Variants in FOCAD observed in about 807,000 individuals in gnomAD.
FOCAD encodes KIAA1797.
Under a neutral mutation model 225.6 loss-of-function variants are expected in FOCAD, and 198 were observed. The ratio of observed to expected loss-of-function variants is 0.88; its 90% CI spans 0.78 to 0.99. The LOEUF is 0.99. FOCAD is among the 50% of genes least tolerant of loss of function. The pLI, the probability that FOCAD is intolerant of heterozygous loss-of-function variation, is 0.00. For synonymous variants in FOCAD, 897 were observed against 755.0 expected, an observed-to-expected ratio of 1.19 and a Z score of -3.08; for missense variants, 2,713 against 2,123.6, an observed-to-expected ratio of 1.28 and a Z score of -5.46.
chr9:20,885,867 A>G (rs1831063108), intron 21 of FOCAD, among the ~76,000 whole-genome samples: 1 of 152,202 alleles, frequency 6.6e-6, no homozygotes, highest in Non-Finnish European at 1.5e-5. Flanking sequence ...GTATGAATGA[A>G]TAACAAAACA....
At chr9:20,735,152 A>G (rs1303081150) in intron 4 of FOCAD, among the ~76,000 whole-genome samples, 1 of 152,074 alleles carries the variant, frequency 6.6e-6, no homozygotes, top group African/African-American at 2.4e-5. Context: ...TCAGTTTGCT[A>G]TTTTATGATC....
At chr9:20,758,302 T>A in intron 6 of FOCAD, 111 bp downstream of exon 6, 1 of 646,528 alleles carries the variant, frequency 1.5e-6, no homozygotes, top group Non-Finnish European at 2.5e-6. Flanking sequence ...TGCTTTGATC[T>A]ATAATGTTTT....
At chr9:20,966,737 T>C (rs1447793796) in intron 35 of FOCAD, among the ~76,000 whole-genome samples, 1 of 152,120 alleles carries the variant, frequency 6.6e-6, no homozygotes, top group African/African-American at 2.4e-5. Context: ...CATGTGAGTA[T>C]CTAGTTGTCT....
chr9:20,920,219 C>T (rs1307155848), intron 24 of FOCAD, among the ~76,000 whole-genome samples: 6 of 149,868 alleles, frequency 4.0e-5, no homozygotes, highest in South Asian at 4.2e-4. Flanking sequence ...AAAATGCTCA[C>T]CATCACTGGC....
At chr9:20,822,707 T>A (rs1824455833) in intron 14 of FOCAD, among the ~76,000 whole-genome samples, 1 of 152,004 alleles carries the variant, frequency 6.6e-6, no homozygotes, top group Non-Finnish European at 1.5e-5. Flanking sequence ...AGCCTTGAGT[T>A]TTTCTCAATT....
chr9:20,850,007 AT>A (rs1827492647), intron 15 of FOCAD, among the ~76,000 whole-genome samples: 1 of 151,770 alleles, frequency 6.6e-6, no homozygotes, highest in African/African-American at 2.4e-5. Context: ...ACCATTTCTG[AT>A]TTTTTAAACC....
chr9:20,957,033 G>A (rs1838210299), intron 35 of FOCAD, among the ~76,000 whole-genome samples: 1 of 152,030 alleles, frequency 6.6e-6, no homozygotes, highest in Non-Finnish European at 1.5e-5. Flanking sequence ...AACTTTCCCT[G>A]TTTTCATATA....
intron 4 of FOCAD, among the ~76,000 whole-genome samples, chr9:20,739,385 C>G (rs867042604): frequency 3.3e-5 from 5 of 152,140 alleles, no homozygotes; most frequent in Admixed American, 2.0e-4. Flanking sequence ...AGGCGGGTCA[C>G]CTAAGGTCAG....
At chr9:20,912,430 G>A (rs755310768) in intron 22 of FOCAD, among the ~76,000 whole-genome samples, 6 of 152,104 alleles carry the variant, frequency 3.9e-5, no homozygotes, top group Non-Finnish European at 7.4e-5. Flanking sequence ...ATATCTTACC[G>A]GAATCTTAAG....
chr9:20,936,384 G>A (rs554736814), intron 28 of FOCAD, among the ~76,000 whole-genome samples: 1 of 152,310 alleles, frequency 6.6e-6, no homozygotes, highest in South Asian at 2.1e-4. Flanking sequence ...CATGTGTAAA[G>A]GGTTTCATCA....
Position 20,990,294 on chromosome 9 carries a change from C to A in FOCAD, c.5176C>A (p.Leu1726Met). Residue 1726 changes from leucine to methionine, a missense_variant, in exon 42 of 44, where the codon CTG becomes ATG. Leu to Met is a conservative substitution (Grantham distance 15). Transcript: ENST00000338382. ...CAGGAGTCCAATGCACAGGGTCACT[C>A]TGCAGGAGGTTCTCACTCTCCTTCC... ...LGRSPMHRVT[L>M]QEVLTLLPNS... 1 of 1,614,094 alleles carries A rather than the reference C, an allele frequency of 6.2e-7. No homozygotes were observed. The highest frequency in any genetic ancestry group is 1.1e-5 in the South Asian group (1 of 91,080).
chr9:20,903,101 C>T (rs776270056), intron 21 of FOCAD, among the ~76,000 whole-genome samples: 1 of 151,878 alleles, frequency 6.6e-6, no homozygotes, highest in Non-Finnish European at 1.5e-5. Flanking sequence ...GAAGGTTCTA[C>T]CACCCTCAAA....
chr9:20,938,012 A>C (rs1224496231), intron 28 of FOCAD, among the ~76,000 whole-genome samples: 1 of 151,986 alleles, frequency 6.6e-6, no homozygotes, highest in African/African-American at 2.4e-5. Flanking sequence ...GAGAAATGCA[A>C]ATCAAAACCA....
upstream of FOCAD, among the ~76,000 whole-genome samples, chr9:20,680,175 A>T (rs1209742743): frequency 2.0e-5 from 3 of 152,254 alleles, no homozygotes; most frequent in Non-Finnish European, 2.9e-5. Context: ...AGGCAGGCAG[A>T]ATCTTTTTCC....
chr9:20,737,772 C>G (rs761061613), intron 4 of FOCAD, among the ~76,000 whole-genome samples: 1 of 152,196 alleles, frequency 6.6e-6, no homozygotes, highest in Non-Finnish European at 1.5e-5. Flanking sequence ...TGGGTCAGAG[C>G]TGCAGGACTG....
chr9:20,770,989 T>C (rs1049974231), intron 8 of FOCAD, among the ~76,000 whole-genome samples: 5 of 152,158 alleles, frequency 3.3e-5, no homozygotes, highest in African/African-American at 1.2e-4. Flanking sequence ...AACTAAATTA[T>C]AGTACAATAA....
chr9:20,914,751 A>G (rs1272976018), intron 23 of FOCAD, among the ~76,000 whole-genome samples: 1 of 152,088 alleles, frequency 6.6e-6, no homozygotes, highest in Admixed American at 6.6e-5. Flanking sequence ...ATGGAGAAAC[A>G]TTGGCAGATC....
In FOCAD at chr9:20,684,280, G is replaced by C. The variant is rs1822519744; in HGVS notation, c.-46G>C. On this transcript the variant is annotated 5_prime_UTR_variant, in exon 1 of 44. Transcript: ENST00000338382. ...AGGCAGCCGGCGCTGGGCTGAGCTT[G>C]TGGCAGAAGGGAGGTAAGCCGTGCG... is the stretch of plus-strand genomic sequence containing the variant. 1 of 152,352 alleles carries C rather than the reference G, an allele frequency of 6.6e-6. No homozygotes were observed. The allele number at this position is 152,352 out of a possible 1,614,324, so 9.4% of individuals were successfully genotyped here.
chr9:20,963,012 C>G (rs999782301), intron 35 of FOCAD, among the ~76,000 whole-genome samples: 5 of 152,168 alleles, frequency 3.3e-5, no homozygotes, highest in African/African-American at 9.7e-5. Context: ...CCCTCTCTTT[C>G]TTTCCATACC....
Sources: gnomAD v4.1 joint callset for allele counts (sites outside exome capture counted in the v4.1 genomes callset) on GRCh38, gnomAD v4.1.1 for gene constraint, MANE v1.5 for transcripts, NCBI Gene and HGNC (gene_info 2026-07-23, HGNC 2026-07-21) for gene names.